Variants in FBXW11 observed in about 807,000 individuals in gnomAD.
FBXW11 encodes the protein F-box and WD repeat domain containing 11.
FBXW11 carries 19 observed loss-of-function variants against 77.6 expected under a neutral mutation model. That is an observed-to-expected ratio of 0.24 (90% confidence interval 0.17 to 0.36). The LOEUF (loss-of-function observed/expected upper bound fraction) is 0.36. Among genes scored for constraint, FBXW11 ranks in the 10% least tolerant of loss-of-function variants. The probability of loss-of-function intolerance (pLI) is 1.00; values close to 1 mark genes in which losing one functional copy is unlikely to be tolerated. For missense variants in FBXW11, 334 were observed against 704.2 expected, an observed-to-expected ratio of 0.47 and a Z score of 5.95; for synonymous variants, 235 against 249.4, an observed-to-expected ratio of 0.94 and a Z score of 0.54.
At chr5:171,934,479 C>A (rs1309736896) in intron 2 of FBXW11, among the ~76,000 whole-genome samples, 1 of 151,972 alleles carries the variant, frequency 6.6e-6, no homozygotes, top group Non-Finnish European at 1.5e-5. Context: ...GGGTTCAAGA[C>A]CAGCCTGGGT....
intron 6 of FBXW11, among the ~76,000 whole-genome samples, chr5:171,895,801 A>T (rs552977250): frequency 8.1e-5 from 12 of 148,542 alleles, no homozygotes; most frequent in Admixed American, 7.9e-4. Context: ...TCAGCCCACC[A>T]TTAATGGTAA....
At chr5:171,941,458 CT>C (rs906282037) in intron 2 of FBXW11, among the ~76,000 whole-genome samples, 1 of 151,422 alleles carries the variant, frequency 6.6e-6, no homozygotes, top group Non-Finnish European at 1.5e-5. Context: ...CTGGGTAGCT[CT>C]GCTATAAAGG....
At chr5:171,919,687 C>A (rs1022333219) in intron 2 of FBXW11, among the ~76,000 whole-genome samples, 3 of 152,162 alleles carry the variant, frequency 2.0e-5, no homozygotes, top group African/African-American at 7.2e-5. Flanking sequence ...ATTGGGGGAA[C>A]CATAGCTCAG....
intron 2 of FBXW11, among the ~76,000 whole-genome samples, chr5:171,949,482 T>A (rs1366728294): frequency 1.3e-5 from 2 of 152,062 alleles, no homozygotes; most frequent in African/African-American, 4.8e-5. Flanking sequence ...AAGGAACAAG[T>A]ATAGCCACAC....
intron 6 of FBXW11, among the ~76,000 whole-genome samples, chr5:171,894,876 A>G (rs1409948840): frequency 1.3e-5 from 2 of 152,186 alleles, no homozygotes; most frequent in Non-Finnish European, 2.9e-5. Flanking sequence ...ATAAGTTCTC[A>G]TTATGGTGCC....
intron 12 of FBXW11, 90 bp from the exon 13 acceptor site, chr5:171,868,886 G>T: frequency 4.8e-6 from 6 of 1,252,966 alleles, no homozygotes; most frequent in Non-Finnish European, 6.6e-6. Context: ...TGAAAATGCA[G>T]CCACTTAAAC....
chr5:171,926,093 C>T (rs545083111), intron 2 of FBXW11, among the ~76,000 whole-genome samples: 1 of 152,170 alleles, frequency 6.6e-6, no homozygotes, highest in Admixed American at 6.5e-5. Flanking sequence ...ACTTATCCTA[C>T]CTAAATTTTC....
chr5:171,980,014 G>A (rs1765059823), intron 1 of FBXW11, among the ~76,000 whole-genome samples: 2 of 152,224 alleles, frequency 1.3e-5, no homozygotes, highest in African/African-American at 4.8e-5. Context: ...GTGGAATGCT[G>A]AGAAAGGTAA....
At chr5:171,874,752 CAAAAAAA>C (rs34775989) in intron 9 of FBXW11, among the ~76,000 whole-genome samples, 3 of 38,152 alleles carry the variant, frequency 7.9e-5, no homozygotes, top group Non-Finnish European at 1.8e-4. Flanking sequence ...CTGGTCTCTA[CAAAAAAA>C]AAAAAAAAAA....
intron 1 of FBXW11, among the ~76,000 whole-genome samples, chr5:171,974,681 TA>T (rs1764723318): frequency 6.6e-6 from 1 of 152,176 alleles, no homozygotes; most frequent in African/African-American, 2.4e-5. Context: ...ACTGCACCTA[TA>T]AATATTCACT....
At chr5:171,914,455 C>T (rs994155136) in intron 2 of FBXW11, 50 bp from the exon 3 acceptor site, 10 of 1,441,852 alleles carry the variant, frequency 6.9e-6, no homozygotes, top group Non-Finnish European at 9.4e-6. Context: ...TTTGCAAATC[C>T]TAAATAACTA....
intron 7 of FBXW11, among the ~76,000 whole-genome samples, chr5:171,890,988 G>A (rs1167882301): frequency 6.6e-6 from 1 of 152,158 alleles, no homozygotes; most frequent in Admixed American, 6.5e-5. Context: ...TACAAACAAT[G>A]TAAAATAAAA....
chr5:171,887,254 A>T (rs2113825498), intron 7 of FBXW11, among the ~76,000 whole-genome samples: 1 of 152,336 alleles, frequency 6.6e-6, no homozygotes, highest in East Asian at 1.9e-4. Flanking sequence ...TCACATCCAC[A>T]GAATATCTTT....
intron 7 of FBXW11, among the ~76,000 whole-genome samples, chr5:171,882,426 T>C (rs1164372389): frequency 1.3e-5 from 2 of 151,916 alleles, no homozygotes; most frequent in Non-Finnish European, 2.9e-5. Context: ...CTCAGCCTCT[T>C]GAGTAGCTGG....
At chr5:171,912,404 A>C (rs140589437) in intron 3 of FBXW11, among the ~76,000 whole-genome samples, 1 of 152,348 alleles carries the variant, frequency 6.6e-6, no homozygotes, top group East Asian at 1.9e-4. Context: ...TCCAAAAAAT[A>C]AGAGTTCAAA....
chr5:171,941,936 G>T (rs1762772181), intron 2 of FBXW11, among the ~76,000 whole-genome samples: 1 of 149,982 alleles, frequency 6.7e-6, no homozygotes, highest in African/African-American at 2.5e-5. Context: ...AGTCACAAAG[G>T]ATTTTTAGCA....
At chr5:171,921,217 T>C (rs1441773278) in intron 2 of FBXW11, among the ~76,000 whole-genome samples, 1 of 152,186 alleles carries the variant, frequency 6.6e-6, no homozygotes, top group African/African-American at 2.4e-5. Context: ...CAGTTTCATT[T>C]AGTTTATGTA....
chr5:171,970,920 C>T (rs986710914), intron 1 of FBXW11, among the ~76,000 whole-genome samples: 1 of 152,194 alleles, frequency 6.6e-6, no homozygotes, highest in Non-Finnish European at 1.5e-5. Context: ...CAGGCAGGGG[C>T]TAGGACAGCC....
intron 7 of FBXW11, among the ~76,000 whole-genome samples, chr5:171,880,058 G>C (rs1441787044): frequency 6.6e-6 from 1 of 152,118 alleles, no homozygotes; most frequent in Non-Finnish European, 1.5e-5. Flanking sequence ...TGAATTTTAA[G>C]ATTTTGTGTT....
Sources: allele counts gnomAD v4.1 joint callset (sites outside exome capture counted in the v4.1 genomes callset), GRCh38; gene constraint gnomAD v4.1.1; transcripts MANE v1.5; gene names NCBI Gene and HGNC (gene_info 2026-07-23, HGNC 2026-07-21).